The following KDM5B variants were observed in gnomAD, a reference collection of about 807,000 sequenced individuals.
KDM5B encodes the protein lysine-specific demethylase 5B.
A neutral mutation model predicts 193.4 loss-of-function variants in KDM5B; 144 were observed. The observed-to-expected ratio is 0.74, with a 90% CI of 0.65 to 0.86. The LOEUF is 0.86. KDM5B is among the 40% of genes least tolerant of loss of function. The pLI is 0.00. For missense variants in KDM5B, 1,833 were observed against 1,886.9 expected (o/e 0.97, Z 0.53); for synonymous variants, 668 against 682.6 (o/e 0.98, Z 0.33).
rs1572760322 is a variant in KDM5B at position 202,780,056 on chromosome 1, T to C, written c.205-2962A>G. On this transcript the variant is annotated intron_variant, in intron 1 of 26. Coordinates refer to ENST00000367265, the MANE Select transcript of KDM5B (RefSeq NM_006618.5). ...TGTATCAACAGCCAAAAGGGAAAAA[T>C]GGCCAATCATAAGACTGGCACCCAA... Among the ~76,000 whole-genome samples, 8 of 151,968 alleles carry C rather than the reference T, an allele frequency of 5.3e-5. No homozygotes were observed. The South Asian group carries it at 1.7e-3, about 32-fold the overall frequency.
chr1:202,751,628 C>G (rs1474233748), intron 12 of KDM5B, among the ~76,000 whole-genome samples: 1 of 152,166 alleles, frequency 6.6e-6, no homozygotes, highest in African/African-American at 2.4e-5. Context: ...CATTTAAGAG[C>G]CCTTTCTGAT....
chr1:202,783,879 C>CAA (rs556847091), intron 1 of KDM5B, among the ~76,000 whole-genome samples: 1 of 134,234 alleles, frequency 7.4e-6, no homozygotes, highest in Non-Finnish European at 1.6e-5. Context: ...GACTCTGTCT[C>CAA]AAAAAAAAAA....
At chr1:202,807,722 G>A (rs1448668588) in intron 1 of KDM5B, among the ~76,000 whole-genome samples, 3 of 147,750 alleles carry the variant, frequency 2.0e-5, no homozygotes, top group Admixed American at 6.7e-5. Flanking sequence ...GCCTCGCCGG[G>A]CCCACAGTCC....
intron 12 of KDM5B, among the ~76,000 whole-genome samples, chr1:202,752,418 A>G (rs1477383454): frequency 6.6e-6 from 1 of 152,144 alleles, no homozygotes; most frequent in Non-Finnish European, 1.5e-5. Context: ...CTAGGTGTGT[A>G]GTTGGCTATA....
intron 1 of KDM5B, among the ~76,000 whole-genome samples, chr1:202,777,351 TAAAAAAAAA>T (rs147335949): frequency 7.8e-6 from 1 of 128,678 alleles, no homozygotes. Context: ...ATTGAGCCTG[TAAAAAAAAA>T]AAAAAAAAAA....
At chr1:202,800,774 G>A (rs571514094) in intron 1 of KDM5B, among the ~76,000 whole-genome samples, 1 of 152,286 alleles carries the variant, frequency 6.6e-6, no homozygotes, top group Non-Finnish European at 1.5e-5. Flanking sequence ...AAAATGAACA[G>A]ATAAAGAAAT....
chr1:202,761,489 A>G (rs796963819), intron 7 of KDM5B, among the ~76,000 whole-genome samples: 6 of 152,322 alleles, frequency 3.9e-5, no homozygotes, highest in African/African-American at 1.4e-4. Context: ...AAGTTCCCCT[A>G]ATGCCCAGTG....
At chr1:202,741,337 TC>T (rs1188568824) in intron 19 of KDM5B, 29 bp downstream of exon 19, 14 of 1,475,512 alleles carry the variant, frequency 9.5e-6, no homozygotes, top group Non-Finnish European at 1.3e-5. Context: ...TGTCCAACCT[TC>T]CCAAAGAAAG....
rs1655394807 is a variant in KDM5B at position 202,742,700 on chromosome 1, C to T, written c.2429G>A (p.Cys810Tyr). 6.2e-7 allele frequency: 1 copy of T among 1,614,222 alleles called. No individual in the cohort carries two copies. The highest frequency in any genetic ancestry group is 1.3e-5 in the African/African-American group (1 of 75,056). Residue 810 changes from cysteine (C) to tyrosine (Y), a missense_variant, in exon 17 of 27, where the codon TGT (cysteine) becomes TAT (tyrosine). Physicochemically the swap from Cys to Tyr is radical, Grantham distance 194. Coordinates refer to ENST00000367265, the MANE Select transcript of KDM5B (RefSeq NM_006618.5). ...LRLVTQDAEK[C>Y]ASVAQQLLNG... ...AAGCAACTGCTGCGCAACAGAGGCA[C>T]ACTTCTCTGCATCCTGTGTGACTAG...
chr1:202,800,448 C>T (rs896444462), intron 1 of KDM5B, among the ~76,000 whole-genome samples: 3 of 152,124 alleles, frequency 2.0e-5, no homozygotes, highest in Non-Finnish European at 4.4e-5. Flanking sequence ...TCAAGCCATC[C>T]TCCCACCTTG....
At chr1:202,771,044 T>A (rs1022721468) in intron 4 of KDM5B, among the ~76,000 whole-genome samples, 2 of 152,178 alleles carry the variant, frequency 1.3e-5, no homozygotes, top group Admixed American at 1.3e-4. Flanking sequence ...TCTAAAATGT[T>A]ACAACCCACA....
intron 1 of KDM5B, among the ~76,000 whole-genome samples, chr1:202,777,689 G>A (rs1274109093): frequency 6.6e-6 from 1 of 151,918 alleles, no homozygotes; most frequent in African/African-American, 2.4e-5. Context: ...GAGACGAGGT[G>A]TAGGTACATG....
chr1:202,774,825 G>A, intron 2 of KDM5B, 90 bp from the exon 3 acceptor site: 1 of 1,272,034 alleles, frequency 7.9e-7, no homozygotes, highest in Non-Finnish European at 1.1e-6. Context: ...GAATATTTAA[G>A]TACAATACCA....
intron 9 of KDM5B, 23 bp downstream of exon 9, chr1:202,758,368 C>G (rs1656102981): frequency 6.4e-7 from 1 of 1,553,254 alleles, no homozygotes; most frequent in Non-Finnish European, 8.8e-7. Flanking sequence ...AATCCTAAAT[C>G]AAAGCAGTAT....
chr1:202,728,214 G>A lies in KDM5B; in HGVS notation c.*822C>T, dbSNP rs1194234665. On this transcript the variant is annotated 3_prime_UTR_variant, in exon 27 of 27. Coordinates refer to ENST00000367265, the MANE Select transcript of KDM5B (RefSeq NM_006618.5). ...GCATTTAGTGTTATGTTAGGACGAA[G>A]GATTTATTCCACAATATAAACTGTA... 1.3e-5 allele frequency: 2 copies of A among 152,300 alleles called. No individual in the cohort carries two copies. Among genetic ancestry groups the A allele is most frequent in the Non-Finnish European group, 2.9e-5 (2 of 68,038 alleles). The allele number at this position is 152,300 out of a possible 1,614,324, so 9.4% of individuals were successfully genotyped here.
chr1:202,778,554 T>A, intron 1 of KDM5B, among the ~76,000 whole-genome samples: 1 of 152,202 alleles, frequency 6.6e-6, no homozygotes, highest in African/African-American at 2.4e-5. Flanking sequence ...TTTAATATTT[T>A]AATACAATGA....
Position 202,728,991 on chromosome 1 carries a change from G to A in KDM5B, c.*45C>T. On this transcript the variant is annotated 3_prime_UTR_variant, in exon 27 of 27. Transcript: ENST00000367265. ...AGATTTGAAGAAATCCTCTTGGTTG[G>A]AGTCCTGAATTACATTAAGTAGGGG... The A allele has an allele frequency of 6.2e-7, 1 of 1,611,820 alleles. No individual in the cohort carries two copies. Among genetic ancestry groups the A allele is most frequent in the Non-Finnish European group, 8.5e-7 (1 of 1,178,246 alleles).
chr1:202,781,318 G>GA (rs778438238), intron 1 of KDM5B, among the ~76,000 whole-genome samples: 2 of 152,104 alleles, frequency 1.3e-5, no homozygotes, highest in African/African-American at 2.4e-5. Context: ...ATACATAAAT[G>GA]AAATTTTGTT....
intron 16 of KDM5B, 120 bp from the exon 17 acceptor site, chr1:202,742,925 G>A (rs1655405649): frequency 2.5e-6 from 2 of 803,010 alleles, no homozygotes; most frequent in Admixed American, 3.0e-5. Flanking sequence ...ACAAATGTTT[G>A]CAATGCTTTA....
Sources: gnomAD v4.1 joint callset for allele counts (sites outside exome capture counted in the v4.1 genomes callset) on GRCh38, gnomAD v4.1.1 for gene constraint, MANE v1.5 for transcripts, NCBI Gene and HGNC (gene_info 2026-07-23, HGNC 2026-07-21) for gene names.